Variants in COPG2 observed in about 807,000 individuals in gnomAD.
COPG2 encodes coat protein complex I subunit gamma 2, also known as coatomer subunit gamma-2.
Under a neutral mutation model 46.3 loss-of-function variants are expected in COPG2, and 37 were observed. The observed-to-expected ratio is 0.80, with a 90% CI of 0.61 to 1.05. COPG2 has a LOEUF of 1.05. Among genes scored for constraint, COPG2 ranks in the 50% least tolerant of loss-of-function variants. The pLI, the probability that COPG2 is intolerant of heterozygous loss-of-function variation, is 0.00. For synonymous variants in COPG2, 159 were observed against 129.7 expected (o/e 1.23, Z -1.53); for missense variants, 427 against 387.8 (o/e 1.10, Z -0.85).
intron 20 of COPG2, among the ~76,000 whole-genome samples, chr7:130,519,968 GGT>G (rs1350283876): frequency 8.5e-5 from 13 of 152,162 alleles, no homozygotes; most frequent in Non-Finnish European, 1.6e-4. Context: ...TGCTAGGGAA[GGT>G]TAGAAGGAGA....
At chr7:130,581,810 A>G (rs1355268555) in intron 9 of COPG2, among the ~76,000 whole-genome samples, 29 of 139,362 alleles carry the variant, frequency 2.1e-4, no homozygotes, top group Non-Finnish European at 4.4e-4. Context: ...GGACCTCTTC[A>G]AGGAGAACTA....
intron 20 of COPG2, among the ~76,000 whole-genome samples, chr7:130,527,564 G>GA (rs1486775618): frequency 6.6e-6 from 1 of 151,392 alleles, no homozygotes; most frequent in Non-Finnish European, 1.5e-5. Flanking sequence ...AAAGTAAGGG[G>GA]AAAAAAAAGC....
chr7:130,537,571 G>T (rs925690030), intron 20 of COPG2, among the ~76,000 whole-genome samples: 4 of 151,070 alleles, frequency 2.6e-5, no homozygotes, highest in Admixed American at 2.6e-4. Context: ...AGAGCAGAGG[G>T]TGAGTTTGCA....
intron 9 of COPG2, among the ~76,000 whole-genome samples, chr7:130,594,776 C>G (rs528587026): frequency 3.9e-4 from 60 of 152,262 alleles, no homozygotes; most frequent in African/African-American, 1.3e-3. Context: ...TCACTGATCA[C>G]TAGGGTAATG....
chr7:130,590,149 G>C (rs1463674645), intron 9 of COPG2, among the ~76,000 whole-genome samples: 2 of 151,830 alleles, frequency 1.3e-5, no homozygotes, highest in Admixed American at 6.6e-5. Flanking sequence ...ATGAATGTAA[G>C]AGTCCAAATT....
chr7:130,545,245 G>A (rs1793421167), intron 20 of COPG2, among the ~76,000 whole-genome samples: 1 of 151,350 alleles, frequency 6.6e-6, no homozygotes, highest in South Asian at 2.1e-4. Flanking sequence ...ATTTGTCCAC[G>A]ATTACACAGT....
chr7:130,565,249 C>T (rs889019406), intron 9 of COPG2, among the ~76,000 whole-genome samples: 149 of 152,262 alleles, frequency 9.8e-4, no homozygotes, highest in African/African-American at 3.2e-3. Context: ...AAAGCACGCC[C>T]CAACATACAC....
chr7:130,525,759 G>A (rs1398552463), intron 20 of COPG2, among the ~76,000 whole-genome samples: 1 of 152,208 alleles, frequency 6.6e-6, no homozygotes, highest in African/African-American at 2.4e-5. Flanking sequence ...GGGTACATGG[G>A]ACAGAGTATG....
At chr7:130,506,901 A>G (rs1193346820) in intron 23 of COPG2, 95 bp from the exon 24 acceptor site, 1 of 637,396 alleles carries the variant, frequency 1.6e-6, no homozygotes, top group African/African-American at 1.8e-5. Flanking sequence ...CCTTTCTATT[A>G]GTTTAGTTTA....
intron 20 of COPG2, among the ~76,000 whole-genome samples, chr7:130,538,963 C>T (rs1181672002): frequency 1.3e-5 from 2 of 152,020 alleles, no homozygotes; most frequent in Non-Finnish European, 2.9e-5. Context: ...AGTAAATGGG[C>T]ACAGTGGGCA....
rs1264144419 is a variant in COPG2 at position 130,668,737 on chromosome 7, G to A, written c.-69C>T. On this transcript the variant is annotated 5_prime_UTR_variant, in exon 1 of 24. Transcript: ENST00000425248. ...GGCGCCGCAGCCGGCGAGCGGAAGA[G>A]GCTGCAGGAAGGCCGGCCCCGCGCT... The A allele has an allele frequency of 1.5e-5, 22 of 1,486,056 alleles. No individual in the cohort carries two copies. In the South Asian group the frequency reaches 1.9e-4, roughly 13 times the overall value. 92.1% of individuals were successfully genotyped at this position (1,486,056 alleles called of 1,614,324 possible).
At chr7:130,584,030 T>C (rs1794216069) in intron 9 of COPG2, among the ~76,000 whole-genome samples, 1 of 151,814 alleles carries the variant, frequency 6.6e-6, no homozygotes, top group Non-Finnish European at 1.5e-5. Flanking sequence ...TACAGACTGA[T>C]ATCCTTGATG....
chr7:130,514,624 C>A (rs1799663265), intron 20 of COPG2, among the ~76,000 whole-genome samples: 1 of 152,064 alleles, frequency 6.6e-6, no homozygotes, highest in African/African-American at 2.4e-5. Context: ...TAGCGTACAT[C>A]TTTAGGGCAA....
chr7:130,572,610 G>A (rs1266050483), intron 9 of COPG2, among the ~76,000 whole-genome samples: 3 of 151,970 alleles, frequency 2.0e-5, no homozygotes, highest in African/African-American at 7.2e-5. Flanking sequence ...ACACTTCCAA[G>A]TAACTCAGGG....
At chr7:130,535,852 C>CT (rs1169868080) in intron 20 of COPG2, among the ~76,000 whole-genome samples, 26 of 151,988 alleles carry the variant, frequency 1.7e-4, no homozygotes, top group African/African-American at 6.0e-4. Context: ...GAGAAGACAT[C>CT]TGAGTCCGGC....
Position 130,564,412 on chromosome 7 carries a change from A to G in COPG2, c.738-19T>C. On this transcript the variant is annotated intron_variant, in intron 9 of 23. Transcript: ENST00000425248. ...TTCATGGCTGCCAATAAATATTTAT[A>G]GGCCATTATTTAGATATCAAATAGA... 7.5e-6 allele frequency: 3 copies of G among 398,602 alleles called. No individual in the cohort carries two copies. Among genetic ancestry groups the G allele is most frequent in the Non-Finnish European group, 1.3e-5 (3 of 226,058 alleles). The allele number at this position is 398,602 out of a possible 1,614,324, so 24.7% of individuals were successfully genotyped here.
At chr7:130,525,612 G>A (rs1799765907) in intron 20 of COPG2, among the ~76,000 whole-genome samples, 1 of 152,206 alleles carries the variant, frequency 6.6e-6, no homozygotes, top group South Asian at 2.1e-4. Context: ...AGCTTCTGCT[G>A]TCACGGAAGG....
chr7:130,618,687 T>C (rs1163096648), intron 5 of COPG2, among the ~76,000 whole-genome samples: 2 of 152,170 alleles, frequency 1.3e-5, no homozygotes, highest in Non-Finnish European at 2.9e-5. Flanking sequence ...ATTATTCATA[T>C]CTTTTTTACC....
At chr7:130,542,646 AAC>A (rs1793354160) in intron 20 of COPG2, among the ~76,000 whole-genome samples, 1 of 152,302 alleles carries the variant, frequency 6.6e-6, no homozygotes, top group South Asian at 2.1e-4. Flanking sequence ...AGTGGGAGGC[AAC>A]ACTGTGTGTA....
Sources: gnomAD v4.1 joint callset for allele counts (sites outside exome capture counted in the v4.1 genomes callset) on GRCh38, gnomAD v4.1.1 for gene constraint, MANE v1.5 for transcripts, NCBI Gene and HGNC (gene_info 2026-07-23, HGNC 2026-07-21) for gene names.